Variants in MICAL2 observed in about 807,000 individuals in gnomAD.
MICAL2 encodes the protein microtubule associated monooxygenase, calponin and LIM domain containing 2.
A neutral mutation model predicts 127.3 loss-of-function variants in MICAL2; 77 were observed. The observed-to-expected ratio is 0.60, with a 90% CI of 0.50 to 0.73. The LOEUF is 0.73. Among genes scored for constraint, MICAL2 ranks in the 30% least tolerant of loss-of-function variants. MICAL2 has a pLI of 0.00. For missense variants in MICAL2, 1,351 were observed against 1,434.4 expected (o/e 0.94, Z 0.94); for synonymous variants, 570 against 551.1 (o/e 1.03, Z -0.48).
At chr11:12,194,007 G>A (rs552571200) in intron 3 of MICAL2, among the ~76,000 whole-genome samples, 2 of 152,330 alleles carry the variant, frequency 1.3e-5, no homozygotes, top group East Asian at 3.9e-4. Context: ...GGTTAAATGA[G>A]TGAATATACT....
At chr11:12,320,871 T>C (rs1251489777) in intron 30 of MICAL2, among the ~76,000 whole-genome samples, 5 of 151,956 alleles carry the variant, frequency 3.3e-5, no homozygotes, top group Non-Finnish European at 7.4e-5. Flanking sequence ...GGGAGAAAGA[T>C]GTATGAATTT....
At chr11:12,350,633 C>T (rs903547931) in intron 33 of MICAL2, among the ~76,000 whole-genome samples, 1 of 152,154 alleles carries the variant, frequency 6.6e-6, no homozygotes, top group Non-Finnish European at 1.5e-5. Context: ...TCTTCCCTGC[C>T]TGGGTTCTGA....
upstream of MICAL2, among the ~76,000 whole-genome samples, chr11:12,272,062 C>A (rs143390196): frequency 4.9e-4 from 75 of 152,328 alleles, no homozygotes; most frequent in African/African-American, 1.8e-3. Flanking sequence ...CCCAGGGAGC[C>A]AGGCTGAGCC....
At chr11:12,315,205 A>G (rs576963678) in intron 29 of MICAL2, among the ~76,000 whole-genome samples, 3 of 152,282 alleles carry the variant, frequency 2.0e-5, no homozygotes, top group East Asian at 1.9e-4. Flanking sequence ...TTCAAAGTCA[A>G]TTGTCAGTCT....
chr11:12,226,651 G>GTTT (rs202072260), intron 14 of MICAL2, among the ~76,000 whole-genome samples: 4 of 126,366 alleles, frequency 3.2e-5, no homozygotes, highest in Non-Finnish European at 6.6e-5. Context: ...TTTGTTTTTG[G>GTTT]TTTTTTTTTT....
At chr11:12,327,910 G>C (rs1328239310) in intron 32 of MICAL2, among the ~76,000 whole-genome samples, 1 of 151,094 alleles carries the variant, frequency 6.6e-6, no homozygotes, top group Non-Finnish European at 1.5e-5. Context: ...GAGAGTCAAT[G>C]TCCTGGTTTT....
At chr11:12,168,359 TACAC>T (rs1224996378) in intron 3 of MICAL2, among the ~76,000 whole-genome samples, 2 of 148,610 alleles carry the variant, frequency 1.3e-5, no homozygotes, top group African/African-American at 2.5e-5. Flanking sequence ...TATACACAAA[TACAC>T]ACATACACAC....
chr11:12,161,989 T>TA, intron 2 of MICAL2, 90 bp from the exon 3 acceptor site: 1 of 767,760 alleles, frequency 1.3e-6, no homozygotes, highest in Non-Finnish European at 2.1e-6. Flanking sequence ...TTGAATGTCT[T>TA]AAAGAAATTG....
At chr11:12,296,869 C>T (rs1260490167), downstream of MICAL2, among the ~76,000 whole-genome samples, 7 of 151,890 alleles carry the variant, frequency 4.6e-5, no homozygotes, top group Admixed American at 1.3e-4. Context: ...CATATTAGTA[C>T]GTAAAGCACT....
At chr11:12,358,245 G>C (rs10741583) in intron 34 of MICAL2, 1,416,223 of 1,577,488 alleles carry the variant, frequency 0.9, 636,178 homozygotes, top group Admixed American at 0.94. Flanking sequence ...CAAGAACTCT[G>C]CCGGGGCCCA....
chr11:12,184,302 A>G (rs1227082880), intron 3 of MICAL2, among the ~76,000 whole-genome samples: 2 of 152,202 alleles, frequency 1.3e-5, no homozygotes, highest in African/African-American at 2.4e-5. Flanking sequence ...GAAGCTCTCT[A>G]TCTGGCTGCC....
intron 17 of MICAL2, among the ~76,000 whole-genome samples, chr11:12,240,266 G>A (rs973652697): frequency 6.6e-6 from 1 of 152,222 alleles, no homozygotes; most frequent in African/African-American, 2.4e-5. Flanking sequence ...CTCCGGCTCC[G>A]AGGTCTGTGC....
intron 15 of MICAL2, among the ~76,000 whole-genome samples, chr11:12,227,759 G>A (rs1857664834): frequency 6.6e-6 from 1 of 151,854 alleles, no homozygotes; most frequent in Non-Finnish European, 1.5e-5. Flanking sequence ...TTTCATGGTG[G>A]GCCTATACCA....
chr11:12,221,518 C>A, intron 9 of MICAL2, 126 bp from the exon 10 acceptor site: 1 of 612,410 alleles, frequency 1.6e-6, no homozygotes, highest in Non-Finnish European at 2.9e-6. Context: ...AGGGTCCCTG[C>A]CCTGTCACCT....
chr11:12,282,040 T>C (rs925273120), intron 2 of MICAL2, among the ~76,000 whole-genome samples: 5 of 152,170 alleles, frequency 3.3e-5, no homozygotes, highest in Middle Eastern at 3.2e-3. Flanking sequence ...CTGGTGGTCA[T>C]GAGCAGAATT....
At chr11:12,205,425 C>A (rs1040587501) in intron 4 of MICAL2, among the ~76,000 whole-genome samples, 2 of 152,132 alleles carry the variant, frequency 1.3e-5, no homozygotes, top group Non-Finnish European at 2.9e-5. Context: ...AGAAAGCTGA[C>A]TTTTTGTATA....
At chr11:12,162,718 A>G (rs1854974981) in intron 3 of MICAL2, among the ~76,000 whole-genome samples, 1 of 152,220 alleles carries the variant, frequency 6.6e-6, no homozygotes, top group Non-Finnish European at 1.5e-5. Flanking sequence ...TACTACTTCT[A>G]GTAGCTGCTA....
intron 1 of MICAL2, among the ~76,000 whole-genome samples, chr11:12,277,621 C>G (rs556546490): frequency 6.6e-6 from 1 of 152,072 alleles, no homozygotes; most frequent in Non-Finnish European, 1.5e-5. Flanking sequence ...AAGGTCGGTG[C>G]GGCAGGTACA....
intron 3 of MICAL2, among the ~76,000 whole-genome samples, chr11:12,203,699 C>T (rs1854313124): frequency 6.6e-6 from 1 of 152,134 alleles, no homozygotes; most frequent in Admixed American, 6.5e-5. Flanking sequence ...TATTTTCTCC[C>T]TTCTGTGTGG....
Sources: allele counts gnomAD v4.1 joint callset (sites outside exome capture counted in the v4.1 genomes callset), GRCh38; gene constraint gnomAD v4.1.1; transcripts MANE v1.5; gene names NCBI Gene and HGNC (gene_info 2026-07-23, HGNC 2026-07-21).